Variants in SEC14L1 observed in about 807,000 individuals in gnomAD.
The protein encoded by SEC14L1 is SEC14-like protein 1.
A neutral mutation model predicts 85.3 loss-of-function variants in SEC14L1; 48 were observed. That is an observed-to-expected ratio of 0.56 (90% CI 0.45 to 0.72). SEC14L1 has a LOEUF of 0.72. Ranked by LOEUF, SEC14L1 falls within the 30% of genes least tolerant of loss-of-function variation. SEC14L1 has a pLI of 0.00. For synonymous variants in SEC14L1, 391 were observed against 355.5 expected, an observed-to-expected ratio of 1.10 and a Z score of -1.12; for missense variants, 682 against 921.4, an observed-to-expected ratio of 0.74 and a Z score of 3.36.
At chr17:77,106,247 T>C (rs887409921) in intron 3 of SEC14L1, among the ~76,000 whole-genome samples, 5 of 151,930 alleles carry the variant, frequency 3.3e-5, no homozygotes, top group Middle Eastern at 3.4e-3. Context: ...TTCAAAATTA[T>C]AGGAGGCCAG....
chr17:77,201,542 C>G (rs1976145696), intron 9 of SEC14L1, among the ~76,000 whole-genome samples: 1 of 151,236 alleles, frequency 6.6e-6, no homozygotes, highest in African/African-American at 2.4e-5. Context: ...CCTCCACCTT[C>G]CGGGTTCAAG....
chr17:77,184,480 A>G (rs1002935039), intron 3 of SEC14L1, among the ~76,000 whole-genome samples: 1 of 151,984 alleles, frequency 6.6e-6, no homozygotes, highest in Non-Finnish European at 1.5e-5. Context: ...CCTGTTGAGT[A>G]TCACTATGTG....
At chr17:77,105,791 C>T (rs1971901776) in intron 3 of SEC14L1, among the ~76,000 whole-genome samples, 1 of 152,044 alleles carries the variant, frequency 6.6e-6, no homozygotes. Context: ...TGAATGGGCC[C>T]AGAGGAGCAC....
chr17:77,117,146 G>A (rs541066712), intron 3 of SEC14L1, among the ~76,000 whole-genome samples: 2 of 152,058 alleles, frequency 1.3e-5, no homozygotes, highest in Non-Finnish European at 2.9e-5. Flanking sequence ...TCAGGAGTTC[G>A]AGACCAGCCT....
chr17:77,208,483 G>C (rs1163184573), intron 13 of SEC14L1, among the ~76,000 whole-genome samples: 5 of 152,188 alleles, frequency 3.3e-5, no homozygotes, highest in South Asian at 2.1e-4. Context: ...TGTTTGCGGT[G>C]CTGAGCGTCT....
At chr17:77,116,125 G>A (rs1972167289) in intron 3 of SEC14L1, among the ~76,000 whole-genome samples, 2 of 152,012 alleles carry the variant, frequency 1.3e-5, no homozygotes, top group Non-Finnish European at 2.9e-5. Flanking sequence ...TCACTATGTT[G>A]CCCAGGTTGG....
intron 3 of SEC14L1, among the ~76,000 whole-genome samples, chr17:77,100,057 C>T (rs1971731285): frequency 6.6e-6 from 1 of 152,226 alleles, no homozygotes; most frequent in Admixed American, 6.5e-5. Context: ...CCTGCTCTGG[C>T]GCTCCCAGCG....
At chr17:77,158,798 CTTTTTTTTTTTTTTTTTTTTT>C (rs34186028) in intron 3 of SEC14L1, among the ~76,000 whole-genome samples, 2 of 39,188 alleles carry the variant, frequency 5.1e-5, no homozygotes, top group South Asian at 9.6e-4. Flanking sequence ...GCTTTCTTTC[CTTTTTTTTTTTTTTTTTTTTT>C]TTTTTTTTTT....
intron 3 of SEC14L1, among the ~76,000 whole-genome samples, chr17:77,128,436 TTTTATTTTATTTTATTTTATTATG>T (rs1567881086): frequency 4.2e-5 from 4 of 94,810 alleles, no homozygotes; most frequent in South Asian, 3.3e-4. Context: ...TTTTATTTTA[TTTTATTTTATTTTATTTTATTATG>T]TTTTTTTTTT....
intron 8 of SEC14L1, among the ~76,000 whole-genome samples, chr17:77,200,020 G>T (rs1319991837): frequency 6.6e-6 from 1 of 152,174 alleles, no homozygotes. Context: ...ACAAAAATGA[G>T]CTGGGCGTGG....
chr17:77,144,462 C>T (rs942238639), intron 3 of SEC14L1, among the ~76,000 whole-genome samples: 1 of 152,188 alleles, frequency 6.6e-6, no homozygotes, highest in Non-Finnish European at 1.5e-5. Context: ...TTACCTGTTT[C>T]TGTTCCTTCT....
At chr17:77,168,548 A>G (rs965149735) in intron 3 of SEC14L1, among the ~76,000 whole-genome samples, 1 of 152,214 alleles carries the variant, frequency 6.6e-6, no homozygotes, top group Non-Finnish European at 1.5e-5. Context: ...CCACTTTTCC[A>G]TGAGACTTGT....
At chr17:77,093,597 C>G (rs1971568724) in intron 3 of SEC14L1, 1 of 152,182 alleles carries the variant, frequency 6.6e-6, no homozygotes, top group Non-Finnish European at 1.5e-5. Flanking sequence ...CAGCAAGTGC[C>G]TCCTTAGCAC....
At chr17:77,200,451 A>G (rs1414794662) in intron 8 of SEC14L1, 33 bp from the exon 9 acceptor site, 2 of 1,590,792 alleles carry the variant, frequency 1.3e-6, no homozygotes, top group Non-Finnish European at 1.7e-6. Context: ...ACAACTTTTA[A>G]CATTGCTTAG....
chr17:77,216,691 G>A lies in SEC14L1; in HGVS notation c.*2668G>A. On this transcript the variant is annotated 3_prime_UTR_variant, in exon 17 of 17. Transcript: ENST00000436233. ...GATCTGTTCTTTTTAAGTTGATTCG[G>A]GAGTGGCATTCTTTTATACCCAAAG... 6.5e-7 allele frequency: 1 copy of A among 1,547,860 alleles called. No individual in the cohort carries two copies. The highest frequency in any genetic ancestry group is 8.9e-7 in the Non-Finnish European group (1 of 1,129,524).
Position 77,203,552 on chromosome 17 carries a change from C to T in SEC14L1, c.1010-18C>T. On this transcript the variant is annotated intron_variant, in intron 9 of 16. Transcript: ENST00000436233. ...ACTGGGATGGTGCTGACAACTCATT[C>T]CTTCCCCTCCTCTGCAGATGGGCGG... 6.2e-7 allele frequency: 1 copy of T among 1,609,560 alleles called. No individual in the cohort carries two copies. Among genetic ancestry groups the T allele is most frequent in the East Asian group, 2.2e-5 (1 of 44,848 alleles).
At chr17:77,149,058 T>C (rs1312699200) in intron 3 of SEC14L1, among the ~76,000 whole-genome samples, 1 of 152,216 alleles carries the variant, frequency 6.6e-6, no homozygotes, top group Non-Finnish European at 1.5e-5. Context: ...TCCCCATCTG[T>C]CTCTCCAGAT....
At chr17:77,105,896 A>C (rs1478604559) in intron 3 of SEC14L1, among the ~76,000 whole-genome samples, 1 of 152,136 alleles carries the variant, frequency 6.6e-6, no homozygotes, top group Admixed American at 6.6e-5. Flanking sequence ...TCCCTAGTGC[A>C]AAACTCCCTA....
intron 3 of SEC14L1, among the ~76,000 whole-genome samples, chr17:77,184,490 G>A (rs1443781155): frequency 6.6e-6 from 1 of 151,998 alleles, no homozygotes; most frequent in African/African-American, 2.4e-5. Context: ...ATCACTATGT[G>A]GTTTATAATG....
Sources: allele counts gnomAD v4.1 joint callset (sites outside exome capture counted in the v4.1 genomes callset), GRCh38; gene constraint gnomAD v4.1.1; transcripts MANE v1.5; gene names NCBI Gene and HGNC (gene_info 2026-07-23, HGNC 2026-07-21).